CADPS: variants seen among roughly 807,000 people sequenced by gnomAD.
CADPS encodes the protein calcium dependent secretion activator.
CADPS carries 57 observed loss-of-function variants against 167.3 expected under a neutral mutation model. The ratio of observed to expected loss-of-function variants is 0.34; its 90% CI spans 0.28 to 0.42. The LOEUF (loss-of-function observed/expected upper bound fraction) is 0.42, where lower values mean the gene tolerates loss of function less well. CADPS is among the 20% of genes least tolerant of loss of function. The pLI, the probability that CADPS is intolerant of heterozygous loss-of-function variation, is 1.00. For missense variants in CADPS, 1,414 were observed against 1,738.1 expected, an observed-to-expected ratio of 0.81 and a Z score of 3.32; for synonymous variants, 676 against 635.3, an observed-to-expected ratio of 1.06 and a Z score of -0.96.
At chr3:62,618,479 C>T (rs1255731837) in intron 6 of CADPS, among the ~76,000 whole-genome samples, 1 of 152,154 alleles carries the variant, frequency 6.6e-6, no homozygotes, top group African/African-American at 2.4e-5. Context: ...AACAAATCTG[C>T]ACATGTTCCC....
Position 62,660,455 on chromosome 3 carries a change from A to G in CADPS, c.969+1859T>C, listed in dbSNP as rs1419131666. On this transcript the variant is annotated intron_variant, in intron 4 of 29. Coordinates refer to ENST00000383710, the MANE Select transcript of CADPS (RefSeq NM_003716.4). ...TATAATACCTTTAGCCAAATCCATA[A>G]GCGCATACTATTTTTAGCCACCAGG... Among the ~76,000 whole-genome samples the G allele has an allele frequency of 2.0e-5, 3 of 152,226 alleles. No homozygotes were observed. In the South Asian group the frequency reaches 6.2e-4, roughly 32 times the overall value.
At chr3:62,846,729 T>A (rs1013764679) in intron 1 of CADPS, among the ~76,000 whole-genome samples, 1 of 152,176 alleles carries the variant, frequency 6.6e-6, no homozygotes, top group African/African-American at 2.4e-5. Flanking sequence ...AGTGGCACGA[T>A]CTTGGTTCAT....
intron 1 of CADPS, among the ~76,000 whole-genome samples, chr3:62,844,325 T>C (rs377647014): frequency 2.0e-5 from 3 of 152,150 alleles, no homozygotes; most frequent in South Asian, 2.1e-4. Flanking sequence ...AGTAAAACCA[T>C]CTGGTTGAGA....
intron 6 of CADPS, among the ~76,000 whole-genome samples, chr3:62,603,122 C>T (rs2060202614): frequency 6.6e-6 from 1 of 152,158 alleles, no homozygotes; most frequent in Non-Finnish European, 1.5e-5. Flanking sequence ...TTGTCTCTGG[C>T]CAGAATGTAA....
At chr3:62,457,738 T>G (rs915359106) in intron 26 of CADPS, among the ~76,000 whole-genome samples, 2 of 152,114 alleles carry the variant, frequency 1.3e-5, no homozygotes, top group African/African-American at 4.8e-5. Flanking sequence ...ATATACACTA[T>G]AGAATACTAC....
Position 62,433,058 on chromosome 3 carries a change from G to T in CADPS, c.3777+5046C>A, listed in dbSNP as rs372454686. Among the ~76,000 whole-genome samples the T allele has an allele frequency of 6.6e-6, 1 of 152,206 alleles. No individual in the cohort carries two copies. Among genetic ancestry groups the T allele is most frequent in the South Asian group, 2.1e-4 (1 of 4,816 alleles). On this transcript the variant is annotated intron_variant, in intron 28 of 29. Coordinates refer to ENST00000383710, the MANE Select transcript of CADPS (RefSeq NM_003716.4). This position sits in a 1 kb window ranked among gnomAD's most constrained non-coding sequence, Gnocchi z 4.7. The stretch of plus-strand genomic sequence containing the variant: ...TGGTGATATACCTTACAGATATAGC[G>T]TCATGTCCTCCTTGTAGCCTATTAT...
In CADPS at chr3:62,438,227, A is replaced by G. The variant is rs1440634138; in HGVS notation, c.3670-16T>C. Reference sequence around the variant, plus strand: ...TCCCGGGTTTCTGTAAAGAAACAGGAAAACATGAAAACGAATTTTCAGACA... The same window carrying G: ...TCCCGGGTTTCTGTAAAGAAACAGGGAAACATGAAAACGAATTTTCAGACA... On this transcript the variant is annotated splice_polypyrimidine_tract_variant and intron_variant, in intron 27 of 29. Transcript: ENST00000383710. The surrounding 1 kb of genome is among the most constrained non-coding windows in gnomAD (Gnocchi z 4.7). 2.5e-6 allele frequency: 4 copies of G among 1,588,482 alleles called. No individual in the cohort carries two copies. In the African/African-American group the frequency reaches 5.4e-5, roughly 21 times the overall value.
intron 2 of CADPS, among the ~76,000 whole-genome samples, chr3:62,761,137 T>C (rs2085303111): frequency 1.3e-5 from 2 of 152,166 alleles, no homozygotes; most frequent in African/African-American, 4.8e-5. Flanking sequence ...ACTGGTCTGG[T>C]TTCCTTCTTT....
At chr3:62,516,243 ACTT>A in intron 15 of CADPS, 61 bp from the exon 16 acceptor site, 1 of 1,588,798 alleles carries the variant, frequency 6.3e-7, no homozygotes, top group Non-Finnish European at 8.6e-7. Context: ...ACTCATCCAT[ACTT>A]CTTAGAAGCG....
chr3:62,603,749 T>C (rs899050961), intron 6 of CADPS, among the ~76,000 whole-genome samples: 21 of 152,198 alleles, frequency 1.4e-4, no homozygotes, highest in Non-Finnish European at 1.2e-4. Flanking sequence ...ATATTGATCA[T>C]AGTTTTTATA....
intron 1 of CADPS, among the ~76,000 whole-genome samples, chr3:62,839,271 T>C (rs1031866638): frequency 1.3e-5 from 2 of 152,132 alleles, no homozygotes; most frequent in African/African-American, 4.8e-5. Flanking sequence ...CTTAGCTCAC[T>C]GCAACCTCTG....
chr3:62,723,463 C>G (rs1220480094), intron 3 of CADPS, among the ~76,000 whole-genome samples: 1 of 152,124 alleles, frequency 6.6e-6, no homozygotes, highest in Non-Finnish European at 1.5e-5. Context: ...GGGCTCACCT[C>G]TGCTGTCTGA....
chr3:62,744,139 G>T (rs1170161615), intron 3 of CADPS, among the ~76,000 whole-genome samples: 2 of 152,032 alleles, frequency 1.3e-5, no homozygotes, highest in African/African-American at 2.4e-5. Flanking sequence ...TGCTTTAAAG[G>T]CTTGTTATGA....
intron 2 of CADPS, among the ~76,000 whole-genome samples, chr3:62,764,023 G>A (rs2086222334): frequency 6.6e-6 from 1 of 152,166 alleles, no homozygotes; most frequent in Non-Finnish European, 1.5e-5. Flanking sequence ...TTAATAGATA[G>A]AAATGACACT....
At chr3:62,757,844 A>C (rs79931801) in intron 2 of CADPS, among the ~76,000 whole-genome samples, 2 of 152,316 alleles carry the variant, frequency 1.3e-5, no homozygotes, top group African/African-American at 4.8e-5. Context: ...GGCACGTCTT[A>C]TGTGGCATGG....
chr3:62,489,841 GA>G (rs1194943240), intron 21 of CADPS, among the ~76,000 whole-genome samples: 1 of 151,576 alleles, frequency 6.6e-6, no homozygotes. Context: ...ATTGAACATT[GA>G]AAAAAAATAG....
chr3:62,411,863 C>T (rs2049024004), intron 28 of CADPS, among the ~76,000 whole-genome samples: 1 of 152,210 alleles, frequency 6.6e-6, no homozygotes, highest in Non-Finnish European at 1.5e-5. Context: ...AGGGCATATC[C>T]TCCAAATGCG....
intron 3 of CADPS, among the ~76,000 whole-genome samples, chr3:62,671,496 C>T (rs1249686802): frequency 2.0e-5 from 3 of 152,212 alleles, no homozygotes; most frequent in East Asian, 3.9e-4. Flanking sequence ...TGGTCTATCC[C>T]TTGCTAGCTG....
Position 62,544,433 on chromosome 3 carries a change from A to G in CADPS, c.1966+5470T>C, listed in dbSNP as rs2076157612. On this transcript the variant is annotated intron_variant, in intron 11 of 29. Transcript: ENST00000383710. The surrounding 1 kb of genome is among the most constrained non-coding windows in gnomAD (Gnocchi z 4.4). ...TTGGAATGGGAAAGGAAAAACAACA[A>G]CAACAACAACAACAACAGCACATTA... Among the ~76,000 whole-genome samples the G allele has an allele frequency of 6.6e-6, 1 of 152,012 alleles. No individual in the cohort carries two copies. Among genetic ancestry groups the G allele is most frequent in the African/African-American group, 2.4e-5 (1 of 41,400 alleles).
Sources: gnomAD v4.1 joint callset for allele counts (sites outside exome capture counted in the v4.1 genomes callset) on GRCh38, gnomAD v4.1.1 for gene constraint, Gnocchi (gnomAD v3.1) non-coding constraint, MANE v1.5 for transcripts, NCBI Gene and HGNC (gene_info 2026-07-23, HGNC 2026-07-21) for gene names.